Variants in EPB41L2 observed in about 807,000 individuals in gnomAD.
EPB41L2 encodes erythrocyte membrane protein band 4.1 like 2.
A neutral mutation model predicts 113.0 loss-of-function variants in EPB41L2; 43 were observed. The ratio of observed to expected loss-of-function variants is 0.38; its 90% CI spans 0.30 to 0.49. The LOEUF (loss-of-function observed/expected upper bound fraction) is 0.49. EPB41L2 is among the 20% of genes least tolerant of loss of function. EPB41L2 has a pLI of 0.95. For missense variants in EPB41L2, 1,147 were observed against 1,223.4 expected, an observed-to-expected ratio of 0.94 and a Z score of 0.93; for synonymous variants, 442 against 436.7, an observed-to-expected ratio of 1.01 and a Z score of -0.15.
At position 130,869,816 on chromosome 6, in the gene EPB41L2, G is replaced by A; in HGVS notation, c.2354C>T (p.Ala785Val). 6.2e-7 allele frequency: 1 copy of A among 1,613,798 alleles called. No homozygotes were observed. The highest frequency in any genetic ancestry group is 8.5e-7 in the Non-Finnish European group (1 of 1,179,978). Reference sequence around the variant, plus strand: ...TGCTTCCTCCCTCTCTACTACCTTGGCTGCCGGGCGGGGTTCTTCCTCCAC... The same window carrying A: ...TGCTTCCTCCCTCTCTACTACCTTGACTGCCGGGCGGGGTTCTTCCTCCAC... ...EEVEEEPRPAAKVVEREEAVP... is the reference protein window; with the variant it reads ...EEVEEEPRPAVKVVEREEAVP... The change falls in exon 15 of 20, where the codon GCC becomes GTC. Residue 785 changes from alanine (A) to valine (V), a missense_variant. Coordinates refer to ENST00000337057, the MANE Select transcript of EPB41L2 (RefSeq NM_001431.4).
chr6:130,942,296 T>C (rs979403978), intron 3 of EPB41L2, among the ~76,000 whole-genome samples: 1 of 152,184 alleles, frequency 6.6e-6, no homozygotes, highest in African/African-American at 2.4e-5. Context: ...CTGTCCCCCA[T>C]ATCATGCCTG....
Position 130,869,923 on chromosome 6 carries a change from C to G in EPB41L2, c.2247G>C (p.Glu749Asp). The G allele has an allele frequency of 6.2e-7, 1 of 1,612,948 alleles. No homozygotes were observed. Among genetic ancestry groups the G allele is most frequent in the Non-Finnish European group, 8.5e-7 (1 of 1,180,036 alleles). The change falls in exon 15 of 20, where the codon GAG (glutamate) becomes GAC (aspartate). Residue 749 changes from glutamate (E) to aspartate (D), a missense_variant. Transcript: ENST00000337057. The stretch of plus-strand genomic sequence containing the variant: ...GACGGTACTCTCCCACGTCTTCCTC[C>G]TCACTCTCACTGCTGCTGCTGCTGC... ...SESSSSSSES[E>D]EEDVGEYRPH...
chr6:130,991,601 T>C (rs9375790), intron 1 of EPB41L2, among the ~76,000 whole-genome samples: 23,242 of 152,228 alleles, frequency 0.15, 2,350 homozygotes, highest in East Asian at 0.43. Context: ...TGAACTCCAC[T>C]ACGTATCTAC....
intron 14 of EPB41L2, among the ~76,000 whole-genome samples, chr6:130,871,278 C>G (rs2128450713): frequency 6.6e-6 from 1 of 152,244 alleles, no homozygotes; most frequent in Non-Finnish European, 1.5e-5. Context: ...GTCTGCTTTA[C>G]AATGATATAA....
At chr6:130,978,451 G>A (rs113687717) in intron 1 of EPB41L2, among the ~76,000 whole-genome samples, 3 of 152,286 alleles carry the variant, frequency 2.0e-5, no homozygotes, top group African/African-American at 7.2e-5. Context: ...TCCATAATTT[G>A]AGACTACAGC....
chr6:130,869,452 G>A, intron 15 of EPB41L2, 111 bp downstream of exon 15: 1 of 1,010,482 alleles, frequency 9.9e-7, no homozygotes, highest in East Asian at 2.6e-5. Context: ...AGAAAAATCA[G>A]ATTCTTGTTG....
At chr6:131,053,184 C>T (rs891865002) in intron 1 of EPB41L2, among the ~76,000 whole-genome samples, 1 of 151,952 alleles carries the variant, frequency 6.6e-6, no homozygotes, top group African/African-American at 2.4e-5. Context: ...GCATGAATCA[C>T]CGTGCCCAGC....
Position 130,890,361 on chromosome 6 carries a change from G to A in EPB41L2, c.1593C>T (p.Leu531=), listed in dbSNP as rs1193509173. 1 of 1,613,826 alleles carries A rather than the reference G, an allele frequency of 6.2e-7. No individual in the cohort carries two copies. Among genetic ancestry groups the A allele is most frequent in the East Asian group, 2.2e-5 (1 of 44,860 alleles). Residue 531 remains leucine (L), a synonymous_variant, in exon 11 of 20, where the codon CTC becomes CTT. Transcript: ENST00000337057. ...CAAAGTGTGGTGCTGGCCTATCTAT[G>A]AGGGTGCTGGCCTGGCGGGTCTGTG... is the stretch of plus-strand genomic sequence containing the variant. ...TQAQTRQAST[L]IDRPAPHFER...
At chr6:130,855,645 T>C (rs1489472419) in intron 19 of EPB41L2, among the ~76,000 whole-genome samples, 2 of 152,254 alleles carry the variant, frequency 1.3e-5, no homozygotes, top group African/African-American at 2.4e-5. Flanking sequence ...AAAAACTATA[T>C]AATTTTAATG....
At chr6:130,928,364 C>T (rs1233617957) in intron 3 of EPB41L2, among the ~76,000 whole-genome samples, 1 of 152,180 alleles carries the variant, frequency 6.6e-6, no homozygotes, top group African/African-American at 2.4e-5. Context: ...GTCTGCTTGC[C>T]TTAATCTGCT....
At chr6:131,003,816 G>A (rs529715489) in intron 1 of EPB41L2, among the ~76,000 whole-genome samples, 8 of 152,098 alleles carry the variant, frequency 5.3e-5, no homozygotes, top group Admixed American at 1.3e-4. Flanking sequence ...AGGTTATATC[G>A]GAAAAAAAGA....
At chr6:130,970,710 C>T (rs1293791869) in intron 1 of EPB41L2, among the ~76,000 whole-genome samples, 5 of 152,010 alleles carry the variant, frequency 3.3e-5, no homozygotes, top group African/African-American at 1.2e-4. Context: ...TAATTCATCC[C>T]AGAATAGACA....
At chr6:130,994,907 T>C (rs200207861) in intron 1 of EPB41L2, among the ~76,000 whole-genome samples, 2 of 152,178 alleles carry the variant, frequency 1.3e-5, no homozygotes, top group East Asian at 3.8e-4. Context: ...TTGTCTCTTA[T>C]CTACCTATGA....
At chr6:130,993,821 C>T (rs943365040) in intron 1 of EPB41L2, among the ~76,000 whole-genome samples, 1 of 152,108 alleles carries the variant, frequency 6.6e-6, no homozygotes, top group Non-Finnish European at 1.5e-5. Flanking sequence ...GAGTAGGTTG[C>T]CCCAGTATTA....
intron 14 of EPB41L2, among the ~76,000 whole-genome samples, chr6:130,877,078 T>C (rs1787812647): frequency 6.6e-6 from 1 of 152,234 alleles, no homozygotes; most frequent in South Asian, 2.1e-4. Context: ...TCAAAAGTTC[T>C]GTGTTTCAGT....
At chr6:130,873,466 GT>G (rs34408511) in intron 14 of EPB41L2, among the ~76,000 whole-genome samples, 55 of 147,814 alleles carry the variant, frequency 3.7e-4, no homozygotes, top group African/African-American at 8.0e-4. Context: ...CACTATTCAG[GT>G]TTTTTTTTTT....
At chr6:130,853,578 G>A (rs993588343) in intron 19 of EPB41L2, among the ~76,000 whole-genome samples, 5 of 152,136 alleles carry the variant, frequency 3.3e-5, no homozygotes, top group Admixed American at 6.5e-5. Flanking sequence ...TCTTTTTAAC[G>A]GGGTTTGCAT....
At chr6:131,038,489 T>G (rs1200079631) in intron 1 of EPB41L2, among the ~76,000 whole-genome samples, 1 of 152,212 alleles carries the variant, frequency 6.6e-6, no homozygotes, top group East Asian at 1.9e-4. Context: ...CACACATTTT[T>G]TAAATGCTGG....
chr6:130,890,543 A>C, intron 10 of EPB41L2, 77 bp from the exon 11 acceptor site: 1 of 1,485,384 alleles, frequency 6.7e-7, no homozygotes, highest in East Asian at 2.3e-5. Context: ...TTTTAAAAAA[A>C]CTTTAAAGCT....
Sources: gnomAD v4.1 joint callset for allele counts (sites outside exome capture counted in the v4.1 genomes callset) on GRCh38, gnomAD v4.1.1 for gene constraint, MANE v1.5 for transcripts, NCBI Gene and HGNC (gene_info 2026-07-23, HGNC 2026-07-21) for gene names.